Variants in GRK3 observed in about 807,000 individuals in gnomAD.
GRK3 encodes the protein G protein-coupled receptor kinase 3.
In GRK3, 54 loss-of-function variants were observed where a neutral mutation model predicts 95.7. The observed-to-expected ratio is 0.56, with a 90% CI of 0.45 to 0.71. GRK3 has a LOEUF of 0.71. Ranked by LOEUF, GRK3 falls within the 30% of genes least tolerant of loss-of-function variation. GRK3 has a pLI of 0.00. For synonymous variants in GRK3, 281 were observed against 290.8 expected (o/e 0.97, Z 0.34); for missense variants, 649 against 851.2 (o/e 0.76, Z 2.96).
In GRK3 at chr22:25,695,096, C is replaced by T. The variant is rs1183796334; in HGVS notation, c.1053-11C>T. 6.2e-7 allele frequency: 1 copy of T among 1,606,998 alleles called. No homozygotes were observed. The highest frequency in any genetic ancestry group is 1.1e-5 in the South Asian group (1 of 90,820). On this transcript the variant is annotated splice_polypyrimidine_tract_variant and intron_variant, in intron 12 of 20. Transcript: ENST00000324198. Reference sequence around the variant, plus strand: ...ATGCTCTGATAACTGTGTATACTTTCTTCTCCCTAGTGGCACCCATGGGTA... The same window carrying T: ...ATGCTCTGATAACTGTGTATACTTTTTTCTCCCTAGTGGCACCCATGGGTA...
At chr22:25,609,298 A>G (rs2084476797) in intron 2 of GRK3, among the ~76,000 whole-genome samples, 1 of 151,792 alleles carries the variant, frequency 6.6e-6, no homozygotes, top group South Asian at 2.1e-4. Context: ...CTGTTAGAGG[A>G]GCATGTTTGA....
At chr22:25,701,383 G>A (rs1325073908) in intron 13 of GRK3, among the ~76,000 whole-genome samples, 1 of 152,246 alleles carries the variant, frequency 6.6e-6, no homozygotes, top group Non-Finnish European at 1.5e-5. Context: ...ATTGGAAACA[G>A]ATGTGCATCA....
At chr22:25,668,086 C>A (rs2084954610) in intron 6 of GRK3, among the ~76,000 whole-genome samples, 1 of 152,052 alleles carries the variant, frequency 6.6e-6, no homozygotes, top group East Asian at 1.9e-4. Flanking sequence ...ATTGAGAGAC[C>A]TTTGCTAATA....
At chr22:25,646,468 A>G (rs1472062055) in intron 3 of GRK3, among the ~76,000 whole-genome samples, 1 of 152,232 alleles carries the variant, frequency 6.6e-6, no homozygotes, top group Non-Finnish European at 1.5e-5. Context: ...CAAAAGCAAT[A>G]TTTGAAAAGA....
chr22:25,602,058 A>G (rs1279881765), intron 1 of GRK3, among the ~76,000 whole-genome samples: 2 of 152,208 alleles, frequency 1.3e-5, no homozygotes, highest in Non-Finnish European at 2.9e-5. Context: ...CTGGGAGAAA[A>G]TCTTAGCATC....
chr22:25,673,024 T>TTTTTG (rs2084995969), intron 7 of GRK3, among the ~76,000 whole-genome samples: 1 of 151,178 alleles, frequency 6.6e-6, no homozygotes. Flanking sequence ...TTTTTTTTTT[T>TTTTTG]TTTTTGAGAT....
At chr22:25,623,125 A>G (rs1056004695) in intron 2 of GRK3, among the ~76,000 whole-genome samples, 3 of 152,030 alleles carry the variant, frequency 2.0e-5, no homozygotes, top group Non-Finnish European at 2.9e-5. Flanking sequence ...TATTTTTTGT[A>G]GAGACGGGGT....
intron 2 of GRK3, among the ~76,000 whole-genome samples, chr22:25,616,368 C>T (rs544128014): frequency 8.6e-4 from 130 of 150,784 alleles, no homozygotes; most frequent in African/African-American, 3.1e-3. Flanking sequence ...CTTCACATGG[C>T]GGCAGGAGAG....
At chr22:25,624,485 A>T (rs1196227968) in intron 2 of GRK3, among the ~76,000 whole-genome samples, 1 of 152,100 alleles carries the variant, frequency 6.6e-6, no homozygotes, top group Non-Finnish European at 1.5e-5. Context: ...AATGACGTGA[A>T]CCCGGGAGGT....
intron 2 of GRK3, among the ~76,000 whole-genome samples, chr22:25,624,983 C>G (rs975335784): frequency 6.8e-6 from 1 of 147,548 alleles, no homozygotes; most frequent in Non-Finnish European, 1.5e-5. Context: ...GTGACGTGAT[C>G]TTGGCTCACT....
intron 3 of GRK3, chr22:25,649,377 A>G (rs780543155): frequency 6.9e-5 from 40 of 579,818 alleles, no homozygotes; most frequent in Non-Finnish European, 1.2e-4. Flanking sequence ...TGGTTCCACA[A>G]AACCACTTTT....
intron 1 of GRK3, among the ~76,000 whole-genome samples, chr22:25,588,590 C>CAAA (rs1932393654): frequency 6.6e-6 from 1 of 152,012 alleles, no homozygotes; most frequent in Non-Finnish European, 1.5e-5. Context: ...TAACAGAGCT[C>CAAA]TGTTTTGCGT....
intron 3 of GRK3, among the ~76,000 whole-genome samples, chr22:25,658,151 T>A (rs1015681929): frequency 6.6e-6 from 1 of 152,242 alleles, no homozygotes; most frequent in Non-Finnish European, 1.5e-5. Flanking sequence ...GTCTGATAAT[T>A]CTAACATTTG....
At chr22:25,662,940 C>T (rs1365169699) in intron 4 of GRK3, among the ~76,000 whole-genome samples, 1 of 152,102 alleles carries the variant, frequency 6.6e-6, no homozygotes, top group Non-Finnish European at 1.5e-5. Context: ...GTTCCCCTCG[C>T]TGTGGTTACA....
chr22:25,692,872 C>T (rs375296277), intron 12 of GRK3, among the ~76,000 whole-genome samples: 14 of 152,276 alleles, frequency 9.2e-5, no homozygotes, highest in African/African-American at 2.6e-4. Context: ...TAGTACAAGA[C>T]GGAAGATTTT....
intron 1 of GRK3, among the ~76,000 whole-genome samples, chr22:25,592,289 A>G (rs929329349): frequency 5.9e-5 from 9 of 152,212 alleles, no homozygotes; most frequent in African/African-American, 1.9e-4. Context: ...TCTTCTTTGA[A>G]GTGTCTATTC....
At position 25,723,152 on chromosome 22, in the gene GRK3, G is replaced by A. The variant is rs994010655; in HGVS notation, c.*702G>A. 7 of 152,270 alleles carry A rather than the reference G, an allele frequency of 4.6e-5. No homozygotes were observed. The allele number at this position is 152,270 out of a possible 1,614,324, so 9.4% of individuals were successfully genotyped here. A position where few individuals can be genotyped will look rare whatever the true frequency, so the allele number is the denominator to read the frequency against. On this transcript the variant is annotated 3_prime_UTR_variant, in exon 21 of 21. Transcript: ENST00000324198. ...CCGTCCATCATTGGAAAGATTTACA[G>A]TGATTCTGAAGGACAGGCCGTGGAG...
intron 8 of GRK3, among the ~76,000 whole-genome samples, chr22:25,677,204 A>G (rs1222138687): frequency 2.6e-5 from 4 of 151,870 alleles, no homozygotes; most frequent in Non-Finnish European, 5.9e-5. Context: ...TCTAAAAATA[A>G]TATTTTTTAA....
intron 1 of GRK3, among the ~76,000 whole-genome samples, chr22:25,566,127 T>G (rs1009964733): frequency 7.2e-5 from 11 of 151,786 alleles, no homozygotes; most frequent in African/African-American, 2.2e-4. Context: ...CAGTGATGGA[T>G]TTTTTTTTCT....
Sources: gnomAD v4.1 joint callset for allele counts (sites outside exome capture counted in the v4.1 genomes callset) on GRCh38, gnomAD v4.1.1 for gene constraint, MANE v1.5 for transcripts, NCBI Gene and HGNC (gene_info 2026-07-23, HGNC 2026-07-21) for gene names.